RUNDC3B: variants seen among roughly 807,000 people sequenced by gnomAD.
RUNDC3B encodes RUN domain-containing protein 3B.
RUNDC3B carries 33 observed loss-of-function variants against 58.4 expected under a neutral mutation model. The ratio of observed to expected loss-of-function variants is 0.56; its 90% CI spans 0.43 to 0.75. The LOEUF is 0.75. RUNDC3B is among the 30% of genes least tolerant of loss of function. The pLI is 0.00. For synonymous variants in RUNDC3B, 193 were observed against 195.2 expected (o/e 0.99, Z 0.10); for missense variants, 501 against 535.7 (o/e 0.94, Z 0.64).
chr7:87,691,276 G>T (rs1827992794), intron 2 of RUNDC3B, among the ~76,000 whole-genome samples: 1 of 152,108 alleles, frequency 6.6e-6, no homozygotes, highest in African/African-American at 2.4e-5. Context: ...GTCAGGAAAT[G>T]CTGTCTGTCT....
At chr7:87,742,695 G>A (rs2130815184) in intron 6 of RUNDC3B, among the ~76,000 whole-genome samples, 1 of 152,068 alleles carries the variant, frequency 6.6e-6, no homozygotes, top group Non-Finnish European at 1.5e-5. Context: ...GAAAATATAA[G>A]CAAGAGATTA....
intron 8 of RUNDC3B, among the ~76,000 whole-genome samples, chr7:87,795,224 A>G (rs899154785): frequency 5.3e-5 from 8 of 152,216 alleles, no homozygotes; most frequent in African/African-American, 1.9e-4. Context: ...TTTGCAAACT[A>G]TCCATCTGAC....
intron 10 of RUNDC3B, among the ~76,000 whole-genome samples, chr7:87,819,117 C>G (rs947093861): frequency 6.6e-6 from 1 of 152,128 alleles, no homozygotes; most frequent in African/African-American, 2.4e-5. Flanking sequence ...CTTACGGGCT[C>G]TCTGCTGAGT....
At chr7:87,705,527 G>C (rs1274506232) in intron 3 of RUNDC3B, among the ~76,000 whole-genome samples, 1 of 152,102 alleles carries the variant, frequency 6.6e-6, no homozygotes, top group East Asian at 1.9e-4. Flanking sequence ...CTTAAACATA[G>C]CCTAACAATA....
chr7:87,818,149 ATTC>A (rs1169169043), intron 10 of RUNDC3B, among the ~76,000 whole-genome samples: 2 of 152,150 alleles, frequency 1.3e-5, no homozygotes, highest in South Asian at 2.1e-4. Flanking sequence ...ATTTATGATG[ATTC>A]TTCATCTAAA....
intron 9 of RUNDC3B, 47 bp downstream of exon 9, chr7:87,807,566 C>A: frequency 7.5e-7 from 1 of 1,333,486 alleles, no homozygotes. Flanking sequence ...TTAGTTGTAC[C>A]AAAACATATG....
chr7:87,730,262 A>C (rs1831500059), intron 4 of RUNDC3B, among the ~76,000 whole-genome samples: 1 of 152,154 alleles, frequency 6.6e-6, no homozygotes, highest in South Asian at 2.1e-4. Context: ...AGTGATGTAG[A>C]GAAACAAGTA....
At chr7:87,825,726 G>A (rs1837769479) in intron 10 of RUNDC3B, among the ~76,000 whole-genome samples, 1 of 152,198 alleles carries the variant, frequency 6.6e-6, no homozygotes, top group South Asian at 2.1e-4. Context: ...CCACAGGGGT[G>A]GAGCTGCCCA....
At chr7:87,726,105 A>T (rs1436090659) in intron 4 of RUNDC3B, among the ~76,000 whole-genome samples, 1 of 151,898 alleles carries the variant, frequency 6.6e-6, no homozygotes, top group Non-Finnish European at 1.5e-5. Flanking sequence ...ATTAGATCCC[A>T]TTTGTCAATT....
At chr7:87,668,462 T>G (rs1337807078) in intron 2 of RUNDC3B, among the ~76,000 whole-genome samples, 4 of 152,074 alleles carry the variant, frequency 2.6e-5, no homozygotes, top group South Asian at 4.1e-4. Context: ...TTTTGATTGT[T>G]TTTTTTGTGT....
At chr7:87,660,871 C>T (rs1050816147) in intron 2 of RUNDC3B, among the ~76,000 whole-genome samples, 2 of 151,416 alleles carry the variant, frequency 1.3e-5, no homozygotes, top group African/African-American at 2.4e-5. Context: ...GAGATTTTAC[C>T]TTTTCATATT....
chr7:87,787,026 G>C (rs190055006), intron 8 of RUNDC3B, among the ~76,000 whole-genome samples: 19 of 152,242 alleles, frequency 1.2e-4, no homozygotes, highest in Admixed American at 9.2e-4. Context: ...CTTTCATATA[G>C]TATGGCTTCA....
intron 1 of RUNDC3B, among the ~76,000 whole-genome samples, chr7:87,633,978 G>A (rs1244642715): frequency 1.3e-5 from 2 of 152,170 alleles, no homozygotes; most frequent in Non-Finnish European, 2.9e-5. Context: ...TGAGCTTCTG[G>A]TGAGGGCTTT....
intron 10 of RUNDC3B, among the ~76,000 whole-genome samples, chr7:87,817,405 A>G (rs1027296056): frequency 2.4e-4 from 37 of 152,256 alleles, no homozygotes; most frequent in African/African-American, 7.9e-4. Context: ...ATGGCTTTCA[A>G]TGGCAATTAG....
At chr7:87,669,062 A>G (rs1201233486) in intron 2 of RUNDC3B, among the ~76,000 whole-genome samples, 2 of 151,922 alleles carry the variant, frequency 1.3e-5, no homozygotes, top group Non-Finnish European at 2.9e-5. Context: ...TCTGTTTAAT[A>G]CTGTCTGTGG....
chr7:87,744,849 A>G (rs1026152156), intron 6 of RUNDC3B, among the ~76,000 whole-genome samples: 2 of 152,132 alleles, frequency 1.3e-5, no homozygotes, highest in African/African-American at 4.8e-5. Context: ...TTCCAGTACT[A>G]TGTTGAAGAG....
chr7:87,731,490 C>G (rs1004773782), intron 4 of RUNDC3B, among the ~76,000 whole-genome samples: 13 of 151,958 alleles, frequency 8.6e-5, no homozygotes, highest in Non-Finnish European at 1.8e-4. Context: ...ATGAAGAAAA[C>G]CAAGGCCCCA....
intron 8 of RUNDC3B, among the ~76,000 whole-genome samples, chr7:87,783,756 T>C (rs182881613): frequency 1.1e-3 from 160 of 152,360 alleles, no homozygotes; most frequent in African/African-American, 3.8e-3. Flanking sequence ...CCTTTTCTTA[T>C]GAAGCTTGGT....
intron 10 of RUNDC3B, among the ~76,000 whole-genome samples, chr7:87,829,318 T>G (rs150902559): frequency 2.1e-4 from 32 of 152,192 alleles, no homozygotes; most frequent in Non-Finnish European, 4.0e-4. Flanking sequence ...TTTAGTTTAA[T>G]TAGGTCCCTC....
Sources: allele counts gnomAD v4.1 joint callset (sites outside exome capture counted in the v4.1 genomes callset), GRCh38; gene constraint gnomAD v4.1.1; transcripts MANE v1.5; gene names NCBI Gene and HGNC (gene_info 2026-07-23, HGNC 2026-07-21).